CLASP1: variants seen among roughly 807,000 people sequenced by gnomAD.
The protein encoded by CLASP1 is CLIP-associating protein 1.
Under a neutral mutation model 192.3 loss-of-function variants are expected in CLASP1, and 38 were observed. That is an observed-to-expected ratio of 0.20 (90% CI 0.15 to 0.26). The LOEUF (loss-of-function observed/expected upper bound fraction) is 0.26. Ranked by LOEUF, CLASP1 falls within the 10% of genes least tolerant of loss-of-function variation. The pLI, the probability that CLASP1 is intolerant of heterozygous loss-of-function variation, is 1.00. For synonymous variants in CLASP1, 691 were observed against 712.8 expected, an observed-to-expected ratio of 0.97 and a Z score of 0.49; for missense variants, 1,433 against 1,932.5, an observed-to-expected ratio of 0.74 and a Z score of 4.85.
intron 1 of CLASP1, among the ~76,000 whole-genome samples, chr2:121,618,177 G>C (rs6749842): frequency 0.12 from 18,624 of 152,218 alleles, 1,470 homozygotes; most frequent in Middle Eastern, 0.26. Flanking sequence ...CCTCAAGAAG[G>C]TAGGGACCTA....
At chr2:121,357,537 C>T (rs75533543) in intron 37 of CLASP1, among the ~76,000 whole-genome samples, 7 of 152,136 alleles carry the variant, frequency 4.6e-5, no homozygotes, top group Non-Finnish European at 1.0e-4. Context: ...ACCCCAAACT[C>T]AAAGGTTTTG....
chr2:121,451,724 C>T (rs1206401888), intron 15 of CLASP1, 66 bp downstream of exon 15: 4 of 1,281,028 alleles, frequency 3.1e-6, no homozygotes, highest in Non-Finnish European at 4.4e-6. Flanking sequence ...AGCTGGACCA[C>T]TCACCAAAGC....
chr2:121,513,210 C>T (rs1260222272), intron 7 of CLASP1: 1 of 152,210 alleles, frequency 6.6e-6, no homozygotes, highest in Non-Finnish European at 1.5e-5. Context: ...GAAGTTTCAG[C>T]TTCTCTCACT....
At chr2:121,557,779 A>C (rs1559607609) in intron 2 of CLASP1, among the ~76,000 whole-genome samples, 1 of 151,634 alleles carries the variant, frequency 6.6e-6, no homozygotes, top group Non-Finnish European at 1.5e-5. Flanking sequence ...AAAAGAAAAA[A>C]AAAGAATACC....
At chr2:121,633,106 AGAGAAACT>A (rs954204470) in intron 1 of CLASP1, among the ~76,000 whole-genome samples, 1 of 151,156 alleles carries the variant, frequency 6.6e-6, no homozygotes, top group Non-Finnish European at 1.5e-5. Context: ...ACAAGCTAGG[AGAGAAACT>A]TAAATTTTTA....
At chr2:121,451,625 T>C (rs2085494519) in intron 15 of CLASP1, among the ~76,000 whole-genome samples, 165 bp downstream of exon 15, 2 of 152,192 alleles carry the variant, frequency 1.3e-5, no homozygotes, top group South Asian at 2.1e-4. Flanking sequence ...ACTAAAAGCG[T>C]CTGTGAATAT....
At chr2:121,452,134 T>A (rs1165265694) in intron 14 of CLASP1, among the ~76,000 whole-genome samples, 1 of 152,190 alleles carries the variant, frequency 6.6e-6, no homozygotes, top group Non-Finnish European at 1.5e-5. Flanking sequence ...TGAAAGGACT[T>A]ACCACTGTCA....
rs950868962 is a variant in CLASP1 at position 121,530,954 on chromosome 2, A to G, written c.196-629T>C. On this transcript the variant is annotated intron_variant, in intron 2 of 39. Coordinates refer to ENST00000263710, the Ensembl canonical transcript of CLASP1. Reference sequence around the variant, plus strand: ...GGGCAGTACTGCTAACGCCTGAACAACACACCCGCATCAACTAGAGCTTTT... The same window carrying G: ...GGGCAGTACTGCTAACGCCTGAACAGCACACCCGCATCAACTAGAGCTTTT... 2.1e-5 allele frequency: 15 copies of G among 700,312 alleles called. No homozygotes were observed. The highest frequency in any genetic ancestry group is 6.0e-5 in the Admixed American group (3 of 49,994). 43.4% of individuals were successfully genotyped at this position (700,312 alleles called of 1,614,324 possible).
At chr2:121,552,398 A>G (rs946437841) in intron 2 of CLASP1, among the ~76,000 whole-genome samples, 6 of 152,256 alleles carry the variant, frequency 3.9e-5, no homozygotes, top group African/African-American at 1.4e-4. Flanking sequence ...AACAGAGTAA[A>G]TAGACAACCT....
At chr2:121,479,500 T>G (rs1264750010) in intron 8 of CLASP1, among the ~76,000 whole-genome samples, 1 of 152,212 alleles carries the variant, frequency 6.6e-6, no homozygotes, top group Non-Finnish European at 1.5e-5. Flanking sequence ...TAGAAAGATA[T>G]TCCATGTTCA....
At chr2:121,497,349 GGAGC>G (rs745856999) in intron 8 of CLASP1, among the ~76,000 whole-genome samples, 36 of 152,166 alleles carry the variant, frequency 2.4e-4, no homozygotes, top group Non-Finnish European at 4.9e-4. Context: ...CACTTAGGGT[GGAGC>G]AATATTTATT....
At chr2:121,460,060 C>T in exon 12 of CLASP1, 1 of 1,613,504 alleles carries the variant, frequency 6.2e-7, no homozygotes, top group African/African-American at 1.3e-5. Context: ...CCAAAAGACG[C>T]AAATGTTGAA....
chr2:121,432,103 TTTTA>T (rs139173688), intron 19 of CLASP1, among the ~76,000 whole-genome samples: 5,898 of 152,230 alleles, frequency 0.039, 154 homozygotes, highest in Middle Eastern at 0.092. Flanking sequence ...GTGATTAGCT[TTTTA>T]TTAATTTATT....
chr2:121,622,841 C>A (rs1014210950), intron 1 of CLASP1, among the ~76,000 whole-genome samples: 12 of 152,144 alleles, frequency 7.9e-5, no homozygotes, highest in Non-Finnish European at 1.5e-4. Flanking sequence ...TACTTCCTTT[C>A]CAATATGAAC....
chr2:121,583,481 A>C (rs760987637), intron 2 of CLASP1, among the ~76,000 whole-genome samples: 1 of 152,218 alleles, frequency 6.6e-6, no homozygotes, highest in East Asian at 1.9e-4. Context: ...GAGATCAAAT[A>C]CATGGTGATT....
intron 36 of CLASP1, 53 bp from the exon 38 acceptor site, chr2:121,363,353 C>T (rs1191758848): frequency 6.2e-7 from 1 of 1,604,556 alleles, no homozygotes; most frequent in Non-Finnish European, 8.5e-7. Flanking sequence ...AGCACTTTCA[C>T]ACACAGCAGT....
intron 6 of CLASP1, among the ~76,000 whole-genome samples, chr2:121,517,497 T>C (rs1469210707): frequency 6.6e-6 from 1 of 152,206 alleles, no homozygotes; most frequent in Non-Finnish European, 1.5e-5. Context: ...CTGAACTGTG[T>C]GCCCCCAAAA....
At chr2:121,400,830 A>T (rs1003755253) in intron 28 of CLASP1, among the ~76,000 whole-genome samples, 1 of 152,180 alleles carries the variant, frequency 6.6e-6, no homozygotes, top group Non-Finnish European at 1.5e-5. Flanking sequence ...CACCAATTTG[A>T]CATTCCCCCC....
In CLASP1 at chr2:121,447,434, G is replaced by A. The variant is rs553206329; in HGVS notation, c.1815C>T (p.Asn605=). The change falls in exon 19 of 40, where the codon AAC becomes AAT. Residue 605 remains asparagine (N), a synonymous_variant. Transcript: ENST00000263710. ...CTTTGGATTTGGCACTGGCTGCTGC[G>A]TTCACATCAATATCACTTCGAGATC... The A allele has an allele frequency of 1.2e-4, 189 of 1,563,644 alleles. 2 individuals are homozygous for A. In the South Asian group the frequency reaches 1.4e-3, roughly 12 times the overall value.
Sources: gnomAD v4.1 joint callset for allele counts (sites outside exome capture counted in the v4.1 genomes callset) on GRCh38, gnomAD v4.1.1 for gene constraint, MANE v1.5 for transcripts, NCBI Gene and HGNC (gene_info 2026-07-23, HGNC 2026-07-21) for gene names.